TMEM44: variants seen among roughly 807,000 people sequenced by gnomAD.
TMEM44 encodes the protein transmembrane protein 44.
In TMEM44, 43 loss-of-function variants were observed where a neutral mutation model predicts 47.8. That is an observed-to-expected ratio of 0.90 (90% CI 0.70 to 1.16). The LOEUF is 1.16. TMEM44 is among the 50% of genes most tolerant of loss of function. TMEM44 has a pLI of 0.00. For missense variants in TMEM44, 568 were observed against 555.2 expected, an observed-to-expected ratio of 1.02 and a Z score of -0.23; for synonymous variants, 277 against 238.8, an observed-to-expected ratio of 1.16 and a Z score of -1.48.
intron 7 of TMEM44, among the ~76,000 whole-genome samples, chr3:194,614,723 A>T (rs1715693718): frequency 6.6e-6 from 1 of 152,240 alleles, no homozygotes; most frequent in Non-Finnish European, 1.5e-5. Context: ...CACATTATTT[A>T]AAAATGAATA....
chr3:194,616,826 T>G (rs1339974084), intron 6 of TMEM44: 1 of 492,140 alleles, frequency 2.0e-6, no homozygotes, highest in Non-Finnish European at 3.7e-6. Context: ...AATTGGGAGG[T>G]GAAGGTTGCA....
chr3:194,610,248 G>A (rs184393723), intron 8 of TMEM44, among the ~76,000 whole-genome samples: 44 of 151,030 alleles, frequency 2.9e-4, no homozygotes, highest in African/African-American at 8.7e-4. Context: ...GATAGACTCC[G>A]TGTCTAAACG....
At chr3:194,622,795 C>T (rs987614348) in intron 5 of TMEM44, 4 of 162,796 alleles carry the variant, frequency 2.5e-5, no homozygotes, top group East Asian at 3.8e-4. Context: ...CGACCCGCCC[C>T]GCCTCGGCCT....
In TMEM44 at chr3:194,594,125, A is replaced by ATCTGTCTGTCTGTCTG. The variant is rs1484301999; in HGVS notation, c.1177-5487_1177-5486insCAGACAGACAGACAGA. Among the ~76,000 whole-genome samples the ATCTGTCTGTCTGTCTG allele has an allele frequency of 4.1e-3, 375 of 91,818 alleles. 1 individual carries two copies. Among genetic ancestry groups the ATCTGTCTGTCTGTCTG allele is most frequent in the East Asian group, 0.019 (28 of 1,484 alleles). 60.2% of individuals were successfully genotyped at this position (91,818 alleles called of 152,430 possible). On this transcript the variant is annotated intron_variant, in intron 9 of 9. Transcript: ENST00000347147. ...CAGCACCTGGCCTAATTTTCTATCTATCTATCTATCTATCTATCTATCTAT... is the reference window on the plus strand; with the variant it reads ...CAGCACCTGGCCTAATTTTCTATCTATCTGTCTGTCTGTCTGTCTATCTATCTATCTATCTATCTAT...
In TMEM44 at chr3:194,615,649, C is replaced by A; in HGVS notation, c.832G>T (p.Gly278Ter). The change falls in exon 7 of 10, where the codon GGA becomes TGA. Residue 278 changes from glycine (G) to a stop codon, truncating the protein, a stop_gained. Transcript: ENST00000347147. LOFTEE classifies it high-confidence loss of function. ...VMKSKMRQAL[G>*]FAKEARESPD... Reference sequence around the variant, plus strand: ...CTCTCTCTGGCTTCCTTGGCAAATCCTAAGGCCTGTCTCATCTTGCTCTTC... The same window carrying A: ...CTCTCTCTGGCTTCCTTGGCAAATCATAAGGCCTGTCTCATCTTGCTCTTC... The A allele has an allele frequency of 6.2e-7, 1 of 1,614,150 alleles. No homozygotes were observed. The highest frequency in any genetic ancestry group is 8.5e-7 in the Non-Finnish European group (1 of 1,180,020).
intron 2 of TMEM44, among the ~76,000 whole-genome samples, chr3:194,627,141 C>T (rs1157873914): frequency 6.6e-6 from 1 of 152,224 alleles, no homozygotes; most frequent in East Asian, 1.9e-4. Flanking sequence ...AGGCAATCTG[C>T]CCGCCTTAGC....
At chr3:194,598,243 G>T (rs1455363929) in intron 9 of TMEM44, among the ~76,000 whole-genome samples, 1 of 152,156 alleles carries the variant, frequency 6.6e-6, no homozygotes, top group Non-Finnish European at 1.5e-5. Context: ...CATGCCCACG[G>T]TCCTGTCTGT....
intron 7 of TMEM44, among the ~76,000 whole-genome samples, chr3:194,612,725 C>A (rs911167958): frequency 6.6e-6 from 1 of 152,088 alleles, no homozygotes; most frequent in Admixed American, 6.5e-5. Flanking sequence ...AGTGCAGTGG[C>A]GGGATCTCGA....
rs149578395 is a variant in TMEM44, at chr3:194,592,965, G to A, written c.1177-4326C>T. 6.1e-5 allele frequency: 94 copies of A among 1,543,464 alleles called. No individual in the cohort carries two copies. In the African/African-American group the frequency reaches 9.9e-4, roughly 16 times the overall value. On this transcript the variant is annotated intron_variant, in intron 9 of 9. Transcript: ENST00000347147. ...TGTCATGGGTCTAGCCATCTAACAA[G>A]GTCTAACAAAAACAGGAACTGAAAT...
At chr3:194,621,414 C>T (rs1282098821) in intron 5 of TMEM44, among the ~76,000 whole-genome samples, 1 of 152,170 alleles carries the variant, frequency 6.6e-6, no homozygotes, top group African/African-American at 2.4e-5. Flanking sequence ...GGAGCTACTA[C>T]CGGCGGTCAG....
chr3:194,599,328 C>G (rs1189575159), intron 9 of TMEM44, among the ~76,000 whole-genome samples: 2 of 152,130 alleles, frequency 1.3e-5, no homozygotes, highest in African/African-American at 4.8e-5. Context: ...AAAATGTGCG[C>G]TGCATGAGTG....
At chr3:194,618,232 T>G (rs374294549) in intron 5 of TMEM44, among the ~76,000 whole-genome samples, 1 of 152,180 alleles carries the variant, frequency 6.6e-6, no homozygotes, top group East Asian at 1.9e-4. Flanking sequence ...TTCTGGAAAT[T>G]TTAAAGCCAA....
At chr3:194,619,734 A>C (rs894010761) in intron 5 of TMEM44, among the ~76,000 whole-genome samples, 1 of 152,096 alleles carries the variant, frequency 6.6e-6, no homozygotes, top group South Asian at 2.1e-4. Flanking sequence ...GTTTCTCCCT[A>C]TGAAGGGAAC....
intron 8 of TMEM44, 138 bp downstream of exon 8, chr3:194,610,778 G>T: frequency 1.4e-6 from 1 of 732,052 alleles, no homozygotes; most frequent in Non-Finnish European, 2.3e-6. Flanking sequence ...CTGCAGCCTT[G>T]GACAGCTCCT....
chr3:194,632,951 G>T, intron 1 of TMEM44, 128 bp downstream of exon 1: 2 of 1,304,786 alleles, frequency 1.5e-6, no homozygotes, highest in Non-Finnish European at 1.0e-6. Flanking sequence ...ATGTTCCATT[G>T]GATCCTATTA....
At chr3:194,633,055 C>CCGCCCGACAGT (rs1346082970) in intron 1 of TMEM44, 24 bp downstream of exon 1, 6 of 1,545,692 alleles carry the variant, frequency 3.9e-6, no homozygotes, top group East Asian at 4.9e-5. Context: ...CGCCCGACAG[C>CCGCCCGACAGT]CCCCCGACCC....
intron 7 of TMEM44, among the ~76,000 whole-genome samples, chr3:194,614,150 CAAAAAACCA>C (rs1715636008): frequency 6.6e-6 from 1 of 152,060 alleles, no homozygotes; most frequent in African/African-American, 2.4e-5. Flanking sequence ...CAAAACAAAA[CAAAAAACCA>C]AAAAAACCAC....
chr3:194,610,771 C>T lies in TMEM44; in HGVS notation c.1017+145G>A, dbSNP rs953238052. ...CTCCCCCATATCTGCCCCTCCACTG[C>T]AGCCTTGGACAGCTCCTTCTTTTTT... On this transcript the variant is annotated intron_variant, in intron 8 of 9. Coordinates refer to ENST00000347147, the MANE Select transcript of TMEM44 (RefSeq NM_001011655.3). The T allele has an allele frequency of 2.5e-5, 17 of 672,026 alleles. 1 individual carries two copies. The East Asian group carries it at 3.6e-4, about 14-fold the overall frequency. 41.6% of individuals were successfully genotyped at this position (672,026 alleles called of 1,614,324 possible). A position where few individuals can be genotyped will look rare whatever the true frequency, so the allele number is the denominator to read the frequency against.
At chr3:194,626,563 T>C (rs1280542607) in intron 2 of TMEM44, among the ~76,000 whole-genome samples, 1 of 152,012 alleles carries the variant, frequency 6.6e-6, no homozygotes, top group East Asian at 1.9e-4. Flanking sequence ...ACCCTTAACC[T>C]CTCTATGCTT....
Sources: allele counts gnomAD v4.1 joint callset (sites outside exome capture counted in the v4.1 genomes callset), GRCh38; gene constraint gnomAD v4.1.1; transcripts MANE v1.5; gene names NCBI Gene and HGNC (gene_info 2026-07-23, HGNC 2026-07-21).